LAMA2: variants seen among roughly 807,000 people sequenced by gnomAD.
LAMA2 encodes the protein laminin subunit alpha 2.
Under a neutral mutation model 364.8 loss-of-function variants are expected in LAMA2, and 269 were observed. That is an observed-to-expected ratio of 0.74 (90% CI 0.67 to 0.82). The LOEUF (loss-of-function observed/expected upper bound fraction) is 0.82. Ranked by LOEUF, LAMA2 falls within the 40% of genes least tolerant of loss-of-function variation. LAMA2 has a pLI of 0.00. For missense variants in LAMA2, 3,807 were observed against 3,873.2 expected (o/e 0.98, Z 0.45); for synonymous variants, 1,379 against 1,370.6 (o/e 1.01, Z -0.14).
chr6:129,173,038 GGGTGC>G (rs1780317394), intron 9 of LAMA2, among the ~76,000 whole-genome samples: 1 of 152,056 alleles, frequency 6.6e-6, no homozygotes, highest in Non-Finnish European at 1.5e-5. Flanking sequence ...GGCTCGCGCA[GGGTGC>G]GCGCACCCAC....
At chr6:128,964,664 T>C (rs895578739) in intron 1 of LAMA2, among the ~76,000 whole-genome samples, 1 of 152,070 alleles carries the variant, frequency 6.6e-6, no homozygotes, top group East Asian at 1.9e-4. Context: ...GTTTAAACAA[T>C]GTAACCTTAA....
chr6:129,260,958 G>T (rs1239094938), intron 15 of LAMA2, 136 bp downstream of exon 15: 2 of 666,184 alleles, frequency 3.0e-6, no homozygotes, highest in East Asian at 5.6e-5. Context: ...AACAAAACTT[G>T]AATATCTACC....
At chr6:128,922,921 A>C (rs1278608737) in intron 1 of LAMA2, among the ~76,000 whole-genome samples, 4 of 151,196 alleles carry the variant, frequency 2.6e-5, no homozygotes, top group East Asian at 1.9e-4. Context: ...TCAGCTTTCT[A>C]CATATGGCTA....
At chr6:128,972,685 C>T (rs367789905) in intron 1 of LAMA2, among the ~76,000 whole-genome samples, 3 of 151,610 alleles carry the variant, frequency 2.0e-5, no homozygotes, top group African/African-American at 7.3e-5. Context: ...TTTGCACCCT[C>T]GAGCACCTCT....
intron 1 of LAMA2, among the ~76,000 whole-genome samples, chr6:128,888,509 G>C (rs890754073): frequency 2.0e-5 from 3 of 152,210 alleles, no homozygotes; most frequent in African/African-American, 7.2e-5. Context: ...GGACAGTCAG[G>C]AGTTCTAGGA....
Position 129,098,215 on chromosome 6 carries a change from C to T in LAMA2, c.439C>T (p.Pro147Ser). 1.2e-6 allele frequency: 2 copies of T among 1,614,044 alleles called. No individual in the cohort carries two copies. The highest frequency in any genetic ancestry group is 8.5e-7 in the Non-Finnish European group (1 of 1,179,980). The change falls in exon 4 of 65, where the codon CCC becomes TCC. Residue 147 changes from proline to serine, a missense_variant. By Grantham distance (74) the Pro-to-Ser change is moderately conservative (BLOSUM62 -1). Coordinates refer to ENST00000421865, the MANE Select transcript of LAMA2 (RefSeq NM_000426.4). ...TGTGATTGTGAAGGCAGCTAACTCC[C>T]CCCGGCCTGGAAACTGGATTTTGGA... The part of the protein sequence containing the change: ...AYVIVKAANS[P>S]RPGNWILERS...
intron 3 of LAMA2, among the ~76,000 whole-genome samples, chr6:129,081,341 A>G (rs1428076097): frequency 3.3e-5 from 5 of 152,182 alleles, no homozygotes; most frequent in Non-Finnish European, 7.3e-5. Context: ...ATGTATACAT[A>G]TGTAACAAAC....
At chr6:129,396,208 G>C (rs1454518987) in intron 37 of LAMA2, among the ~76,000 whole-genome samples, 1 of 152,278 alleles carries the variant, frequency 6.6e-6, no homozygotes, top group African/African-American at 2.4e-5. Flanking sequence ...CCATATCAAG[G>C]TACTGTTGGT....
In LAMA2 at chr6:129,502,673, A is replaced by C. The variant is rs750127736; in HGVS notation, c.8259A>C (p.Ala2753=). The part of the protein sequence containing the change: ...TPVLTHGPCA[A]ESEPALLIGS... Reference sequence around the variant, plus strand: ...GTATTTTACAGGGTCCTTGTGCTGCAGAATCAGAACCAGCTCTTTTGATAG... The same window carrying C: ...GTATTTTACAGGGTCCTTGTGCTGCCGAATCAGAACCAGCTCTTTTGATAG... Residue 2753 remains alanine (A), a synonymous_variant, in exon 59 of 65, where the codon GCA becomes GCC. Coordinates refer to ENST00000421865, the MANE Select transcript of LAMA2 (RefSeq NM_000426.4). The C allele has an allele frequency of 6.2e-7, 1 of 1,613,556 alleles. No homozygotes were observed. The highest frequency in any genetic ancestry group is 8.5e-7 in the Non-Finnish European group (1 of 1,179,442).
At chr6:129,205,777 CACTT>C (rs1782602309) in intron 12 of LAMA2, among the ~76,000 whole-genome samples, 1 of 152,012 alleles carries the variant, frequency 6.6e-6, no homozygotes, top group African/African-American at 2.4e-5. Flanking sequence ...GTAATCCCAA[CACTT>C]TTGGTGGTTG....
intron 1 of LAMA2, among the ~76,000 whole-genome samples, chr6:128,994,853 C>T (rs970094247): frequency 2.0e-5 from 3 of 151,932 alleles, no homozygotes; most frequent in Admixed American, 2.0e-4. Flanking sequence ...ACATAACACC[C>T]TATATACCTC....
intron 4 of LAMA2, among the ~76,000 whole-genome samples, chr6:129,142,901 C>T: frequency 6.6e-6 from 1 of 151,890 alleles, no homozygotes; most frequent in Non-Finnish European, 1.5e-5. Flanking sequence ...TTTTAATTTT[C>T]TTTTCTTTGA....
At chr6:129,492,254 C>A in intron 57 of LAMA2, 61 bp from the exon 58 acceptor site, 1 of 1,555,944 alleles carries the variant, frequency 6.4e-7, no homozygotes, top group Non-Finnish European at 8.9e-7. Context: ...GGGGATTGGG[C>A]TTAATTGTAA....
intron 17 of LAMA2, among the ~76,000 whole-genome samples, chr6:129,271,464 CTTT>C (rs11287525): frequency 1.7e-4 from 14 of 80,234 alleles, no homozygotes; most frequent in Non-Finnish European, 2.7e-4. Context: ...AATTGGGATA[CTTT>C]TTTTTTTTTT....
intron 8 of LAMA2, among the ~76,000 whole-genome samples, chr6:129,162,122 T>C (rs968114585): frequency 6.6e-6 from 1 of 152,202 alleles, no homozygotes; most frequent in Non-Finnish European, 1.5e-5. Flanking sequence ...CCACCAGCAG[T>C]GTATAAGTGT....
At chr6:129,058,314 G>T (rs1411933068) in intron 2 of LAMA2, among the ~76,000 whole-genome samples, 1 of 152,196 alleles carries the variant, frequency 6.6e-6, no homozygotes, top group African/African-American at 2.4e-5. Flanking sequence ...TGAGACACAT[G>T]GAGCTAAAAT....
At position 129,201,346 on chromosome 6, in the gene LAMA2, C is replaced by T. The variant is rs140961196; in HGVS notation, c.1782+8493C>T. On this transcript the variant is annotated intron_variant, in intron 12 of 64. Coordinates refer to ENST00000421865, the MANE Select transcript of LAMA2 (RefSeq NM_000426.4). ...TACAAGGGAAGAGGAACCTGACCTGCACAGAGAGAGAGACGAGGAGAGAGC... is the reference window on the plus strand; with the variant it reads ...TACAAGGGAAGAGGAACCTGACCTGTACAGAGAGAGAGACGAGGAGAGAGC... Among the ~76,000 whole-genome samples the T allele has an allele frequency of 4.2e-3, 640 of 152,246 alleles. 2 individuals are homozygous for T. Among genetic ancestry groups the T allele is most frequent in the African/African-American group, 0.015 (610 of 41,524 alleles).
At chr6:129,020,481 G>A (rs957596188) in intron 1 of LAMA2, among the ~76,000 whole-genome samples, 5 of 152,106 alleles carry the variant, frequency 3.3e-5, no homozygotes, top group African/African-American at 7.2e-5. Context: ...CTGGAGATAC[G>A]GAAGGAAGGA....
chr6:128,949,499 T>C (rs1780679256), intron 1 of LAMA2, among the ~76,000 whole-genome samples: 1 of 151,772 alleles, frequency 6.6e-6, no homozygotes, highest in Admixed American at 6.6e-5. Flanking sequence ...TGGAAATGTT[T>C]GAAAAAGAAA....
Sources: gnomAD v4.1 joint callset for allele counts (sites outside exome capture counted in the v4.1 genomes callset) on GRCh38, gnomAD v4.1.1 for gene constraint, MANE v1.5 for transcripts, NCBI Gene and HGNC (gene_info 2026-07-23, HGNC 2026-07-21) for gene names.